Variants in TXLNG observed in about 807,000 individuals in gnomAD.
TXLNG encodes taxilin gamma, also known as gamma-taxilin.
A neutral mutation model predicts 38.8 loss-of-function variants in TXLNG; 5 were observed. The observed-to-expected ratio is 0.13, with a 90% CI of 0.07 to 0.27. TXLNG has a LOEUF of 0.27. Ranked by LOEUF, TXLNG falls within the 10% of genes least tolerant of loss-of-function variation. TXLNG has a pLI of 1.00. For synonymous variants in TXLNG, 182 were observed against 158.2 expected (o/e 1.15, Z -1.13); for missense variants, 393 against 398.2 (o/e 0.99, Z 0.11).
intron 3 of TXLNG, among the ~76,000 whole-genome samples, chrX:16,826,047 A>T (rs1929152715): frequency 9.2e-6 from 1 of 108,843 alleles, no homozygotes; most frequent in South Asian, 3.8e-4. Flanking sequence ...AACCAAAAGG[A>T]TTTTTTTTTT....
intron 6 of TXLNG, among the ~76,000 whole-genome samples, chrX:16,833,488 G>T (rs1929486337): frequency 8.9e-6 from 1 of 112,031 alleles, no homozygotes; most frequent in Non-Finnish European, 1.9e-5. Context: ...CGTCATGCGG[G>T]CATGTCACAC....
Position 16,843,708 on chromosome X carries a change from A to G in TXLNG, c.*1942A>G, listed in dbSNP as rs1929964851. On this transcript the variant is annotated 3_prime_UTR_variant, in exon 10 of 10. Coordinates refer to ENST00000380122, the MANE Select transcript of TXLNG (RefSeq NM_018360.3). ...GTGCTTGTCCTGTGTGGAAGATTGTAAATCTTGGGCCTGTTGCATACTTCC... is the reference window on the plus strand; with the variant it reads ...GTGCTTGTCCTGTGTGGAAGATTGTGAATCTTGGGCCTGTTGCATACTTCC... 1.8e-5 allele frequency: 2 copies of G among 112,257 alleles called. No individual in the cohort carries two copies. Among genetic ancestry groups the G allele is most frequent in the Admixed American group, 9.4e-5 (1 of 10,605 alleles). The allele number at this position is 112,257 out of a possible 1,213,427, so 9.3% of individuals were successfully genotyped here.
chrX:16,831,610 T>C (rs927469283), intron 5 of TXLNG, among the ~76,000 whole-genome samples: 2 of 112,516 alleles, frequency 1.8e-5, no homozygotes, highest in Admixed American at 9.4e-5. Flanking sequence ...TTAAATTTTC[T>C]TTTTATTAGA....
intron 5 of TXLNG, among the ~76,000 whole-genome samples, chrX:16,830,745 A>T (rs5969784): frequency 0.47 from 48,046 of 102,760 alleles, 9,064 homozygotes; most frequent in East Asian, 0.84. Flanking sequence ...TGTTTTTTTT[A>T]AAAAAAAATT....
chrX:16,839,142 T>C (rs1318423320), intron 8 of TXLNG: 1 of 112,246 alleles, frequency 8.9e-6, no homozygotes, highest in Non-Finnish European at 1.9e-5. Context: ...TGTGTTCTGG[T>C]AGCATAGGTT....
At chrX:16,822,260 G>C (rs1929001492) in intron 3 of TXLNG, among the ~76,000 whole-genome samples, 1 of 109,215 alleles carries the variant, frequency 9.2e-6, no homozygotes, top group Non-Finnish European at 1.9e-5. Context: ...AGAATGGCGT[G>C]AACCCGGGAG....
intron 6 of TXLNG, 84 bp downstream of exon 6, chrX:16,832,826 C>A: frequency 9.2e-7 from 1 of 1,085,773 alleles, no homozygotes; most frequent in South Asian, 2.2e-5. Context: ...TAACCAAGGC[C>A]GTTTGAAACA....
At position 16,818,776 on chromosome X, in the gene TXLNG, C is replaced by T. The variant is rs745682820; in HGVS notation, c.305C>T (p.Thr102Met). 91 of 1,210,382 alleles carry T rather than the reference C, an allele frequency of 7.5e-5. 1 individual carries two copies. The South Asian group carries it at 1.3e-3, about 17-fold the overall frequency. ...NRNLVSPAYCTQESREEIPGG... is the reference protein window; with the variant it reads ...NRNLVSPAYCMQESREEIPGG... The stretch of plus-strand genomic sequence containing the variant: ...AATTTGGTGAGCCCAGCATACTGCA[C>T]GCAAGAATCAAGAGAGGAAATCCCT... Residue 102 changes from threonine to methionine, a missense_variant, in exon 2 of 10, where the codon ACG (threonine) becomes ATG (methionine). Coordinates refer to ENST00000380122, the MANE Select transcript of TXLNG (RefSeq NM_018360.3).
chrX:16,827,667 T>C lies in TXLNG; in HGVS notation c.499-427T>C, dbSNP rs971953908. The stretch of plus-strand genomic sequence containing the variant: ...AGGACCCCAGGGGATAGCAGGCCAA[T>C]ACGGAAGTCAAGAAAGCCAGAGATT... On this transcript the variant is annotated intron_variant, in intron 3 of 9. Coordinates refer to ENST00000380122, the MANE Select transcript of TXLNG (RefSeq NM_018360.3). Among the ~76,000 whole-genome samples the C allele has an allele frequency of 6.3e-5, 7 of 111,613 alleles. 1 individual carries two copies. The Admixed American group carries it at 6.7e-4, about 11-fold the overall frequency.
chrX:16,813,327 C>T (rs1437219163), intron 1 of TXLNG, among the ~76,000 whole-genome samples: 2 of 110,752 alleles, frequency 1.8e-5, no homozygotes, highest in Non-Finnish European at 3.8e-5. Flanking sequence ...AACCCCCATA[C>T]ACTTCTAGTG....
chrX:16,787,444 C>A (rs1927536001), intron 1 of TXLNG, among the ~76,000 whole-genome samples: 1 of 111,390 alleles, frequency 9.0e-6, no homozygotes, highest in African/African-American at 3.3e-5. Flanking sequence ...GCCTTCCCGA[C>A]CCTGGCCTTG....
intron 1 of TXLNG, among the ~76,000 whole-genome samples, chrX:16,789,154 G>T (rs1927614310): frequency 9.0e-6 from 1 of 111,555 alleles, no homozygotes; most frequent in Non-Finnish European, 1.9e-5. Flanking sequence ...AAAGAAAAGT[G>T]AGTGTTTTGT....
chrX:16,812,393 T>A (rs1441614125), intron 1 of TXLNG, among the ~76,000 whole-genome samples: 2 of 84,656 alleles, frequency 2.4e-5, no homozygotes, highest in Non-Finnish European at 4.4e-5. Flanking sequence ...TGAATATTTA[T>A]TCCTTTTTTT....
At chrX:16,830,755 T>G (rs1302538532) in intron 5 of TXLNG, among the ~76,000 whole-genome samples, 1 of 105,986 alleles carries the variant, frequency 9.4e-6, no homozygotes, top group Non-Finnish European at 1.9e-5. Flanking sequence ...AAAAAAAAAT[T>G]ATGGAAAATT....
chrX:16,824,194 C>G (rs979567206), intron 3 of TXLNG, among the ~76,000 whole-genome samples: 2 of 111,906 alleles, frequency 1.8e-5, no homozygotes, highest in Non-Finnish European at 3.8e-5. Context: ...TCGCAAGACC[C>G]TGTACACACA....
At chrX:16,807,202 A>C (rs1928365165) in intron 1 of TXLNG, among the ~76,000 whole-genome samples, 1 of 112,125 alleles carries the variant, frequency 8.9e-6, no homozygotes, top group Non-Finnish European at 1.9e-5. Flanking sequence ...GACATGTCTT[A>C]CCTCCCTAAA....
chrX:16,791,568 T>TTTTA lies in TXLNG; in HGVS notation c.102+4991_102+4994dup, dbSNP rs752495698. On this transcript the variant is annotated intron_variant, in intron 1 of 9. Transcript: ENST00000380122. ...ATATTTATTATGTTATTGGAACGTGTTTTATTTATTTATTTTTAATTTATT... is the reference window on the plus strand; with the variant it reads ...ATATTTATTATGTTATTGGAACGTGTTTTATTTATTTATTTATTTTTAATTTATT... Among the ~76,000 whole-genome samples the TTTTA allele has an allele frequency of 1.4e-3, 161 of 112,055 alleles. 1 individual carries two copies. The Middle Eastern group carries it at 0.018, about 13-fold the overall frequency.
chrX:16,786,951 C>A (rs1290546171), intron 1 of TXLNG, among the ~76,000 whole-genome samples: 1 of 112,743 alleles, frequency 8.9e-6, no homozygotes, highest in Non-Finnish European at 1.9e-5. Flanking sequence ...CTCCCAGTCA[C>A]CGCCGTCACC....
intron 1 of TXLNG, among the ~76,000 whole-genome samples, chrX:16,813,380 G>A (rs376425241): frequency 4.5e-5 from 5 of 110,229 alleles, no homozygotes; most frequent in South Asian, 3.9e-4. Context: ...GGTGGCTCAC[G>A]CCTGTAATCC....
Sources: allele counts gnomAD v4.1 joint callset (sites outside exome capture counted in the v4.1 genomes callset), GRCh38; gene constraint gnomAD v4.1.1; transcripts MANE v1.5; gene names NCBI Gene and HGNC (gene_info 2026-07-23, HGNC 2026-07-21).